The following PCDH17 variants were observed in gnomAD, a reference collection of about 807,000 sequenced individuals.
PCDH17 encodes the protein protocadherin-17.
In PCDH17, 21 loss-of-function variants were observed where a neutral mutation model predicts 67.7. The observed-to-expected ratio is 0.31, with a 90% CI of 0.22 to 0.45. The LOEUF (loss-of-function observed/expected upper bound fraction) is 0.45, where lower values mean the gene tolerates loss of function less well. Among genes scored for constraint, PCDH17 ranks in the 20% least tolerant of loss-of-function variants. PCDH17 has a pLI of 1.00. For missense variants in PCDH17, 1,471 were observed against 1,564.8 expected (o/e 0.94, Z 1.01); for synonymous variants, 701 against 656.7 (o/e 1.07, Z -1.03).
intron 1 of PCDH17, among the ~76,000 whole-genome samples, chr13:57,663,095 C>A (rs1955203902): frequency 6.6e-6 from 1 of 151,818 alleles, no homozygotes; most frequent in Non-Finnish European, 1.5e-5. Flanking sequence ...TTAAATAGAT[C>A]ATCATATAGT....
chr13:57,692,772 C>T (rs908956131), intron 3 of PCDH17, among the ~76,000 whole-genome samples: 5 of 151,084 alleles, frequency 3.3e-5, no homozygotes, highest in African/African-American at 4.8e-5. Context: ...GGTTAGCTTT[C>T]CCAACTCAGC....
At position 57,663,963 on chromosome 13, in the gene PCDH17, G is replaced by T. The variant is rs147199180; in HGVS notation, c.2566-2505G>T. ...CAGGTTGACCAGGCTGGAGTGCAGT[G>T]GTGCTGTCACAGCTCACTGTAGCCT... On this transcript the variant is annotated intron_variant, in intron 1 of 3. Transcript: ENST00000377918. 1.1e-4 allele frequency among the ~76,000 whole-genome samples: 16 copies of T among 152,132 alleles called. No individual in the cohort carries two copies. In the East Asian group the frequency reaches 3.1e-3, roughly 29 times the overall value.
chr13:57,704,190 G>A (rs1307588827), intron 3 of PCDH17, among the ~76,000 whole-genome samples: 2 of 152,026 alleles, frequency 1.3e-5, no homozygotes, highest in African/African-American at 4.8e-5. Context: ...GGCTGTACCT[G>A]TCAGTGTGCC....
intron 1 of PCDH17, among the ~76,000 whole-genome samples, chr13:57,655,868 T>TA (rs112827529): frequency 0.84 from 127,740 of 151,972 alleles, 53,980 homozygotes; most frequent in African/African-American, 0.92. Context: ...ACAGTAATTG[T>TA]AAAAAAATTT....
rs1468360190 is a variant in PCDH17, at chr13:57,724,836, CA to C, written c.3023del (p.His1008ProfsTer12). On this transcript the variant is annotated frameshift_variant, in exon 4 of 4. Transcript: ENST00000377918. LOFTEE classifies it high-confidence loss of function. The part of the protein sequence containing the change: ...FCTFGKDKRE[H>X]TILIANVKPY... ...TACATTTGGAAAAGACAAGCGAGAGCACACTATTCTCATTGCCAACGTTAAA... is the reference window on the plus strand; with the variant it reads ...TACATTTGGAAAAGACAAGCGAGAGCCACTATTCTCATTGCCAACGTTAAA... 2 of 1,614,018 alleles carry C rather than the reference CA, an allele frequency of 1.2e-6. No individual in the cohort carries two copies. Among genetic ancestry groups the C allele is most frequent in the Non-Finnish European group, 8.5e-7 (1 of 1,180,004 alleles).
intron 1 of PCDH17, among the ~76,000 whole-genome samples, chr13:57,642,188 C>T (rs1373932123): frequency 1.3e-5 from 2 of 151,740 alleles, no homozygotes; most frequent in South Asian, 2.1e-4. Context: ...ATATTTAACA[C>T]TTTTTAAACT....
At chr13:57,662,407 T>G (rs1275749406) in intron 1 of PCDH17, among the ~76,000 whole-genome samples, 2 of 152,204 alleles carry the variant, frequency 1.3e-5, no homozygotes, top group African/African-American at 4.8e-5. Context: ...ATTTAGGCCC[T>G]TTAAATTTAT....
In PCDH17 at chr13:57,690,120, T is replaced by G. The variant is rs949037003; in HGVS notation, c.2797+23287T>G. Among the ~76,000 whole-genome samples, 6 of 149,746 alleles carry G rather than the reference T, an allele frequency of 4.0e-5. No individual in the cohort carries two copies. The Admixed American group carries it at 4.0e-4, about 10-fold the overall frequency. The stretch of plus-strand genomic sequence containing the variant: ...AGGCCAGTGTCCAAAAAGACAATAC[T>G]CTTAAGAAGGAAATATAATTATATT... On this transcript the variant is annotated intron_variant, in intron 3 of 3. Coordinates refer to ENST00000377918, the MANE Select transcript of PCDH17 (RefSeq NM_001040429.3).
intron 3 of PCDH17, among the ~76,000 whole-genome samples, chr13:57,698,628 C>G (rs1332044175): frequency 6.6e-6 from 1 of 151,898 alleles, no homozygotes; most frequent in Non-Finnish European, 1.5e-5. Context: ...TTTACCTATT[C>G]CGCAGAAATC....
intron 1 of PCDH17, among the ~76,000 whole-genome samples, chr13:57,638,786 G>A (rs565583305): frequency 2.0e-5 from 3 of 152,060 alleles, no homozygotes; most frequent in African/African-American, 7.2e-5. Flanking sequence ...CAATATTGCA[G>A]AGTAAAAAGG....
chr13:57,698,136 G>A (rs1955628592), intron 3 of PCDH17, among the ~76,000 whole-genome samples: 1 of 150,764 alleles, frequency 6.6e-6, no homozygotes, highest in Non-Finnish European at 1.5e-5. Context: ...TGTATTTTGT[G>A]GTGCCTAGAA....
At chr13:57,644,541 A>G (rs568784310) in intron 1 of PCDH17, among the ~76,000 whole-genome samples, 94 of 151,576 alleles carry the variant, frequency 6.2e-4, no homozygotes, top group African/African-American at 2.2e-3. Flanking sequence ...AAAAAGAAAC[A>G]TAATTACTAT....
At chr13:57,664,941 T>A (rs990124698) in intron 1 of PCDH17, among the ~76,000 whole-genome samples, 4 of 152,196 alleles carry the variant, frequency 2.6e-5, no homozygotes, top group African/African-American at 9.6e-5. Flanking sequence ...AAAAGTAAGA[T>A]GCTTCACTGA....
chr13:57,658,449 A>G (rs190566096), intron 1 of PCDH17, among the ~76,000 whole-genome samples: 2 of 152,240 alleles, frequency 1.3e-5, no homozygotes, highest in Admixed American at 1.3e-4. Flanking sequence ...TTTCTGATCG[A>G]TTTTTAAAGG....
chr13:57,676,193 C>T (rs1955389599), intron 3 of PCDH17, among the ~76,000 whole-genome samples: 1 of 151,598 alleles, frequency 6.6e-6, no homozygotes, highest in African/African-American at 2.4e-5. Context: ...TAATGTGGAA[C>T]ATTTGAAATT....
chr13:57,719,517 C>T (rs1262909052), intron 3 of PCDH17, among the ~76,000 whole-genome samples: 3 of 151,970 alleles, frequency 2.0e-5, no homozygotes, highest in African/African-American at 4.8e-5. Flanking sequence ...ACTATATGTA[C>T]GTTTTCAGGT....
At chr13:57,641,830 C>T (rs901223766) in intron 1 of PCDH17, among the ~76,000 whole-genome samples, 11 of 150,672 alleles carry the variant, frequency 7.3e-5, no homozygotes, top group African/African-American at 2.4e-4. Context: ...AGCATAATTA[C>T]GGGAAAACGA....
rs1230004983 is a variant in PCDH17 at position 57,726,367 on chromosome 13, G to C, written c.*1073G>C. On this transcript the variant is annotated 3_prime_UTR_variant, in exon 4 of 4. Coordinates refer to ENST00000377918, the MANE Select transcript of PCDH17 (RefSeq NM_001040429.3). ...ATGAGCCAAATTGTTGAGTGTGTAA[G>C]AGCTATATTGTGTATTTTATTAAAT... The C allele has an allele frequency of 6.6e-6, 1 of 152,630 alleles. No homozygotes were observed. Among genetic ancestry groups the C allele is most frequent in the Non-Finnish European group, 1.5e-5 (1 of 68,038 alleles). 9.5% of individuals were successfully genotyped at this position (152,630 alleles called of 1,614,324 possible).
At chr13:57,644,732 G>A (rs573711287) in intron 1 of PCDH17, among the ~76,000 whole-genome samples, 3 of 151,630 alleles carry the variant, frequency 2.0e-5, no homozygotes, top group South Asian at 4.2e-4. Context: ...CAGTTTTTCC[G>A]TAGTAAATCT....
Sources: gnomAD v4.1 joint callset for allele counts (sites outside exome capture counted in the v4.1 genomes callset) on GRCh38, gnomAD v4.1.1 for gene constraint, MANE v1.5 for transcripts, NCBI Gene and HGNC (gene_info 2026-07-23, HGNC 2026-07-21) for gene names.